Variants in JAZF1 observed in about 807,000 individuals in gnomAD.
The protein encoded by JAZF1 is juxtaposed with another zinc finger protein 1.
In JAZF1, 8 loss-of-function variants were observed where a neutral mutation model predicts 26.4. The ratio of observed to expected loss-of-function variants is 0.30; its 90% CI spans 0.18 to 0.55. The LOEUF (loss-of-function observed/expected upper bound fraction) is 0.55, where lower values mean the gene tolerates loss of function less well. Among genes scored for constraint, JAZF1 ranks in the 20% least tolerant of loss-of-function variants. The pLI is 0.94. For synonymous variants in JAZF1, 126 were observed against 122.3 expected, an observed-to-expected ratio of 1.03 and a Z score of -0.20; for missense variants, 199 against 322.0, an observed-to-expected ratio of 0.62 and a Z score of 2.92.
chr7:27,991,691 T>C (rs777619956), intron 2 of JAZF1, among the ~76,000 whole-genome samples: 19 of 152,220 alleles, frequency 1.2e-4, no homozygotes, highest in Non-Finnish European at 2.5e-4. Flanking sequence ...AATGAGCTTA[T>C]AAATCAGTCA....
At chr7:27,994,513 A>G (rs1265089632) in intron 1 of JAZF1, among the ~76,000 whole-genome samples, 1 of 152,080 alleles carries the variant, frequency 6.6e-6, no homozygotes, top group Non-Finnish European at 1.5e-5. Flanking sequence ...CTCAGGTAGG[A>G]TTCTACTTTT....
At chr7:27,836,430 G>A (rs1253293799) in intron 4 of JAZF1, among the ~76,000 whole-genome samples, 2 of 152,134 alleles carry the variant, frequency 1.3e-5, no homozygotes, top group African/African-American at 4.8e-5. Context: ...AAATCATGAG[G>A]CCTGAAGTCC....
intron 3 of JAZF1, among the ~76,000 whole-genome samples, chr7:27,853,336 G>C (rs1203728822): frequency 6.6e-6 from 1 of 152,182 alleles, no homozygotes; most frequent in African/African-American, 2.4e-5. Flanking sequence ...TGTGGAGTCT[G>C]CTGGTTCTCC....
intron 2 of JAZF1, among the ~76,000 whole-genome samples, chr7:27,907,987 T>G (rs978655640): frequency 6.6e-6 from 1 of 152,172 alleles, no homozygotes; most frequent in Non-Finnish European, 1.5e-5. Context: ...TTCTTCTATA[T>G]CTACTGAGAT....
intron 2 of JAZF1, among the ~76,000 whole-genome samples, chr7:27,973,347 C>G (rs1370620708): frequency 6.6e-6 from 1 of 151,854 alleles, no homozygotes. Context: ...ACTCTTTTAC[C>G]CAGGCTAGAG....
chr7:27,970,663 A>C (rs938664414), intron 2 of JAZF1, among the ~76,000 whole-genome samples: 2 of 152,254 alleles, frequency 1.3e-5, no homozygotes, highest in Admixed American at 1.3e-4. Context: ...CTCATTACTA[A>C]TTGAAATTAT....
At chr7:28,150,263 G>A (rs1179996383) in intron 1 of JAZF1, among the ~76,000 whole-genome samples, 1 of 152,190 alleles carries the variant, frequency 6.6e-6, no homozygotes, top group African/African-American at 2.4e-5. Context: ...AACAGGGTGA[G>A]CAAAGATGTG....
rs193074147 is a variant in JAZF1, at chr7:27,986,301, C to T, written c.188+5608G>A. Among the ~76,000 whole-genome samples, 822 of 152,310 alleles carry T rather than the reference C, an allele frequency of 5.4e-3. 14 individuals carry two copies. The highest frequency in any genetic ancestry group is 0.019 in the African/African-American group (798 of 41,546). ...AAAATCAATGTGCAAAAATCACAAG[C>T]ATTCCTATACACCAATAACAGACAG... On this transcript the variant is annotated intron_variant, in intron 2 of 4. Transcript: ENST00000283928.
At chr7:28,054,272 A>G (rs529985700) in intron 1 of JAZF1, among the ~76,000 whole-genome samples, 6 of 152,300 alleles carry the variant, frequency 3.9e-5, no homozygotes, top group African/African-American at 1.4e-4. Context: ...CTGACCCCAT[A>G]GTAGTTATAG....
intron 1 of JAZF1, among the ~76,000 whole-genome samples, chr7:28,165,819 G>A (rs1783359369): frequency 6.6e-6 from 1 of 152,134 alleles, no homozygotes; most frequent in African/African-American, 2.4e-5. Context: ...ACAAGGTTAT[G>A]ACTGTTTGAA....
intron 1 of JAZF1, among the ~76,000 whole-genome samples, chr7:28,005,627 C>T (rs959182302): frequency 6.6e-6 from 1 of 152,148 alleles, no homozygotes; most frequent in East Asian, 1.9e-4. Flanking sequence ...TGTTCAGGTT[C>T]GTGGGCCACA....
intron 2 of JAZF1, among the ~76,000 whole-genome samples, chr7:27,958,064 T>C (rs1353273490): frequency 4.0e-5 from 6 of 151,890 alleles, no homozygotes; most frequent in Admixed American, 3.9e-4. Context: ...AGAGAGGAGG[T>C]GCAAGGAATG....
At chr7:28,037,643 A>G (rs1562566330) in intron 1 of JAZF1, among the ~76,000 whole-genome samples, 1 of 152,154 alleles carries the variant, frequency 6.6e-6, no homozygotes, top group Non-Finnish European at 1.5e-5. Flanking sequence ...GTATGTGTCT[A>G]TTTCATCTCC....
intron 1 of JAZF1, among the ~76,000 whole-genome samples, chr7:28,073,194 T>A (rs2127911492): frequency 6.6e-6 from 1 of 152,316 alleles, no homozygotes; most frequent in East Asian, 1.9e-4. Flanking sequence ...AATAAGCAAC[T>A]AATATCTAGA....
At chr7:28,177,305 A>G (rs1783563786) in intron 1 of JAZF1, among the ~76,000 whole-genome samples, 1 of 152,208 alleles carries the variant, frequency 6.6e-6, no homozygotes, top group Non-Finnish European at 1.5e-5. Flanking sequence ...CTTGGTTCTA[A>G]AGCCCCCAAA....
At chr7:27,845,967 A>G (rs1016993241) in intron 3 of JAZF1, among the ~76,000 whole-genome samples, 1 of 151,928 alleles carries the variant, frequency 6.6e-6, no homozygotes, top group African/African-American at 2.4e-5. Context: ...CTAAAAAACA[A>G]AACAGAAAAA....
At chr7:28,000,099 A>C (rs1786108170) in intron 1 of JAZF1, among the ~76,000 whole-genome samples, 2 of 152,222 alleles carry the variant, frequency 1.3e-5, no homozygotes, top group Non-Finnish European at 2.9e-5. Flanking sequence ...AGGTCTGTGG[A>C]TACTGTAGAA....
intron 1 of JAZF1, among the ~76,000 whole-genome samples, chr7:28,071,212 G>A (rs1282700468): frequency 8.5e-5 from 13 of 152,176 alleles, no homozygotes; most frequent in African/African-American, 3.1e-4. Flanking sequence ...CAGTGCACAG[G>A]GAGGTTTGAC....
intron 2 of JAZF1, among the ~76,000 whole-genome samples, chr7:27,969,185 G>C (rs752488916): frequency 6.6e-6 from 1 of 152,172 alleles, no homozygotes; most frequent in Admixed American, 6.5e-5. Flanking sequence ...TGAAATGAAA[G>C]AGTGAGTCAG....
Sources: gnomAD v4.1 joint callset for allele counts (sites outside exome capture counted in the v4.1 genomes callset) on GRCh38, gnomAD v4.1.1 for gene constraint, MANE v1.5 for transcripts, NCBI Gene and HGNC (gene_info 2026-07-23, HGNC 2026-07-21) for gene names.